RUNDC3B: variants seen among roughly 807,000 people sequenced by gnomAD.
The protein encoded by RUNDC3B is RUN domain containing 3B, also known as RUN domain-containing protein 3B.
A neutral mutation model predicts 58.4 loss-of-function variants in RUNDC3B; 33 were observed. That is an observed-to-expected ratio of 0.56 (90% CI 0.43 to 0.75). RUNDC3B has a LOEUF of 0.75. RUNDC3B is among the 30% of genes least tolerant of loss of function. RUNDC3B has a pLI of 0.00. For synonymous variants in RUNDC3B, 193 were observed against 195.2 expected, an observed-to-expected ratio of 0.99 and a Z score of 0.10; for missense variants, 501 against 535.7, an observed-to-expected ratio of 0.94 and a Z score of 0.64.
chr7:87,826,959 T>C (rs1485974348), intron 10 of RUNDC3B, among the ~76,000 whole-genome samples: 1 of 152,174 alleles, frequency 6.6e-6, no homozygotes, highest in African/African-American at 2.4e-5. Flanking sequence ...CCTTCCTAAA[T>C]AATTTTTTTA....
chr7:87,734,828 A>G (rs1831826588), intron 4 of RUNDC3B, among the ~76,000 whole-genome samples: 1 of 152,186 alleles, frequency 6.6e-6, no homozygotes, highest in South Asian at 2.1e-4. Context: ...TGACTACTTC[A>G]TCGTTCTTGA....
At chr7:87,814,346 C>T (rs898345956) in intron 9 of RUNDC3B, among the ~76,000 whole-genome samples, 19 of 151,916 alleles carry the variant, frequency 1.3e-4, no homozygotes, top group Admixed American at 2.6e-4. Flanking sequence ...GTGATCCGCC[C>T]GCCTTGGCCT....
intron 2 of RUNDC3B, among the ~76,000 whole-genome samples, chr7:87,689,973 C>T (rs1827858273): frequency 6.6e-6 from 1 of 151,908 alleles, no homozygotes; most frequent in African/African-American, 2.4e-5. Flanking sequence ...GTTTAAATAG[C>T]TGTCATAGAT....
chr7:87,759,468 A>G (rs1833556969), intron 6 of RUNDC3B, among the ~76,000 whole-genome samples: 1 of 152,118 alleles, frequency 6.6e-6, no homozygotes, highest in African/African-American at 2.4e-5. Flanking sequence ...TAAAATTACC[A>G]AAAGAGTGGA....
intron 1 of RUNDC3B, among the ~76,000 whole-genome samples, chr7:87,632,587 A>G (rs1821334390): frequency 6.6e-6 from 1 of 152,202 alleles, no homozygotes; most frequent in African/African-American, 2.4e-5. Context: ...AGAACCAACT[A>G]GTATTTTCCC....
chr7:87,630,142 A>C (rs1192402850), intron 1 of RUNDC3B, among the ~76,000 whole-genome samples: 1 of 152,180 alleles, frequency 6.6e-6, no homozygotes, highest in Non-Finnish European at 1.5e-5. Flanking sequence ...CCTCTTAAGA[A>C]TCAGATGATG....
At chr7:87,637,747 T>A (rs570241310) in intron 1 of RUNDC3B, among the ~76,000 whole-genome samples, 1 of 152,240 alleles carries the variant, frequency 6.6e-6, no homozygotes, top group Admixed American at 6.5e-5. Context: ...TTTGACCTTT[T>A]AAAATACTGG....
intron 4 of RUNDC3B, among the ~76,000 whole-genome samples, chr7:87,728,297 A>T (rs1198551087): frequency 6.6e-6 from 1 of 152,196 alleles, no homozygotes; most frequent in Non-Finnish European, 1.5e-5. Flanking sequence ...ACTTTCTCTC[A>T]TTCTCTGAAT....
chr7:87,741,143 T>C (rs957925202), intron 5 of RUNDC3B, among the ~76,000 whole-genome samples: 2 of 151,022 alleles, frequency 1.3e-5, no homozygotes, highest in African/African-American at 4.9e-5. Context: ...AGGCAGAGGC[T>C]GCAGTGAGCC....
chr7:87,698,575 T>G (rs1828721937), intron 2 of RUNDC3B, among the ~76,000 whole-genome samples: 1 of 151,482 alleles, frequency 6.6e-6, no homozygotes, highest in African/African-American at 2.4e-5. Context: ...GATAATTGGA[T>G]TTTTTTAAAT....
chr7:87,686,351 A>G (rs1827452772), intron 2 of RUNDC3B, among the ~76,000 whole-genome samples: 1 of 152,218 alleles, frequency 6.6e-6, no homozygotes, highest in African/African-American at 2.4e-5. Flanking sequence ...TAATAGAAGT[A>G]TATTAACGAG....
At chr7:87,669,426 C>A (rs2130507330) in intron 2 of RUNDC3B, among the ~76,000 whole-genome samples, 1 of 152,140 alleles carries the variant, frequency 6.6e-6, no homozygotes, top group African/African-American at 2.4e-5. Flanking sequence ...GCTTTTTTAT[C>A]CAGCTTCTCA....
intron 2 of RUNDC3B, among the ~76,000 whole-genome samples, chr7:87,679,253 C>T (rs911305424): frequency 4.0e-5 from 6 of 149,206 alleles, no homozygotes; most frequent in African/African-American, 1.5e-4. Flanking sequence ...CCACCACGCC[C>T]GGGTAATTTT....
chr7:87,644,530 G>A (rs1352633444), intron 1 of RUNDC3B, among the ~76,000 whole-genome samples: 2 of 152,088 alleles, frequency 1.3e-5, no homozygotes, highest in Non-Finnish European at 2.9e-5. Context: ...TTTAACCTTT[G>A]TGAGCCCTTT....
chr7:87,750,039 C>A (rs1173163054), intron 6 of RUNDC3B, among the ~76,000 whole-genome samples: 1 of 151,992 alleles, frequency 6.6e-6, no homozygotes, highest in African/African-American at 2.4e-5. Flanking sequence ...TCCCCCCACC[C>A]CACAACAGGT....
intron 10 of RUNDC3B, among the ~76,000 whole-genome samples, chr7:87,824,608 C>CTGT (rs1837697047): frequency 6.6e-6 from 1 of 152,152 alleles, no homozygotes; most frequent in African/African-American, 2.4e-5. Context: ...ACTGGGTTAA[C>CTGT]AGGCAGAGGT....
At chr7:87,640,057 A>G (rs571516247) in intron 1 of RUNDC3B, among the ~76,000 whole-genome samples, 1 of 150,378 alleles carries the variant, frequency 6.6e-6, no homozygotes, top group Non-Finnish European at 1.5e-5. Context: ...ATATATGTTT[A>G]TATATATTTC....
intron 1 of RUNDC3B, among the ~76,000 whole-genome samples, chr7:87,633,404 T>A (rs539722974): frequency 5.3e-5 from 8 of 152,334 alleles, no homozygotes; most frequent in African/African-American, 1.9e-4. Flanking sequence ...TGAATCTGCC[T>A]CTATGAATAT....
intron 6 of RUNDC3B, 119 bp downstream of exon 6, chr7:87,741,698 TA>T: frequency 1.7e-6 from 1 of 601,138 alleles, no homozygotes; most frequent in South Asian, 2.3e-5. Flanking sequence ...CAGAAATCAT[TA>T]AAGGGTACAA....
Sources: allele counts gnomAD v4.1 joint callset (sites outside exome capture counted in the v4.1 genomes callset), GRCh38; gene constraint gnomAD v4.1.1; transcripts MANE v1.5; gene names NCBI Gene and HGNC (gene_info 2026-07-23, HGNC 2026-07-21).